Variants in WASHC4 observed in about 807,000 individuals in gnomAD.
WASHC4 encodes the protein WASH complex subunit 7.
A neutral mutation model predicts 166.6 loss-of-function variants in WASHC4; 86 were observed. That is an observed-to-expected ratio of 0.52 (90% confidence interval 0.43 to 0.62). The LOEUF (loss-of-function observed/expected upper bound fraction) is 0.62, where lower values mean the gene tolerates loss of function less well. Ranked by LOEUF, WASHC4 falls within the 20% of genes least tolerant of loss-of-function variation. The pLI, the probability that WASHC4 is intolerant of heterozygous loss-of-function variation, is 0.00. For missense variants in WASHC4, 1,262 were observed against 1,382.4 expected (o/e 0.91, Z 1.38); for synonymous variants, 446 against 451.6 (o/e 0.99, Z 0.16).
intron 18 of WASHC4, among the ~76,000 whole-genome samples, chr12:105,141,784 C>A (rs1379215167): frequency 6.6e-6 from 1 of 152,146 alleles, no homozygotes; most frequent in Non-Finnish European, 1.5e-5. Context: ...AAGGTTACAG[C>A]ACAATTTCCA....
intron 26 of WASHC4, among the ~76,000 whole-genome samples, chr12:105,156,242 AAT>A (rs1884154064): frequency 6.6e-6 from 1 of 152,224 alleles, no homozygotes; most frequent in Non-Finnish European, 1.5e-5. Flanking sequence ...GGACATATGA[AAT>A]ATAAAATTCT....
At chr12:105,126,152 T>C (rs1881263205) in intron 11 of WASHC4, 25 bp downstream of exon 11, 1 of 1,612,726 alleles carries the variant, frequency 6.2e-7, no homozygotes, top group South Asian at 1.1e-5. Flanking sequence ...ATTTTTTGGT[T>C]TTTGTTTATA....
chr12:105,108,009 C>T (rs1879243995), intron 1 of WASHC4, 148 bp downstream of exon 1: 5 of 674,012 alleles, frequency 7.4e-6, no homozygotes, highest in Admixed American at 4.6e-5. Context: ...GAGGGACGCG[C>T]TCTCCAGCGT....
intron 31 of WASHC4, 113 bp downstream of exon 31, chr12:105,164,420 T>C: frequency 2.1e-6 from 2 of 967,244 alleles, no homozygotes; most frequent in African/African-American, 1.6e-5. Flanking sequence ...ACAAGTGAGA[T>C]GAATAGTGGC....
rs1484405239 is a variant in WASHC4, at chr12:105,167,193, T to C, written c.*262T>C. The C allele has an allele frequency of 9.1e-6, 4 of 437,886 alleles. No individual in the cohort carries two copies. Among genetic ancestry groups the C allele is most frequent in the Non-Finnish European group, 1.7e-5 (4 of 240,398 alleles). The allele number at this position is 437,886 out of a possible 1,614,324, so 27.1% of individuals were successfully genotyped here. On this transcript the variant is annotated 3_prime_UTR_variant, in exon 33 of 33. Transcript: ENST00000332180. ...GATGTTTCTATTTGAAGTGAAGTTA[T>C]AAAAGGGCAAATCCAGATTCATAAA... is the stretch of plus-strand genomic sequence containing the variant.
chr12:105,139,409 A>G (rs1279975099), intron 15 of WASHC4, among the ~76,000 whole-genome samples: 2 of 69,922 alleles, frequency 2.9e-5, no homozygotes, highest in South Asian at 5.6e-4. Flanking sequence ...TAGACAGACT[A>G]TATATATGTG....
Position 105,160,142 on chromosome 12 carries a change from C to G in WASHC4, c.3054C>G (p.Pro1018=), listed in dbSNP as rs1884406608. The G allele has an allele frequency of 6.2e-7, 1 of 1,613,410 alleles. No individual in the cohort carries two copies. Among genetic ancestry groups the G allele is most frequent in the Non-Finnish European group, 8.5e-7 (1 of 1,179,488 alleles). ...IHLRNFYIIV[P]PLTLNFVEHS... is the part of the protein sequence containing the mutation. ...TCCGAAATTTCTATATAATTGTTCC[C>G]CCTCTGGTGAGTATTTCCAGAACCT... The change falls in exon 29 of 33, where the codon CCC becomes CCG. Residue 1018 remains proline (P), a synonymous_variant. Transcript: ENST00000332180.
At chr12:105,141,336 A>C (rs968528798) in intron 18 of WASHC4, 90 bp downstream of exon 18, 1 of 961,370 alleles carries the variant, frequency 1.0e-6, no homozygotes, top group African/African-American at 1.6e-5. Context: ...AGAAGAAATA[A>C]AATTCAGATC....
intron 32 of WASHC4, 48 bp downstream of exon 32, chr12:105,164,788 A>T: frequency 8.1e-7 from 1 of 1,233,606 alleles, no homozygotes; most frequent in East Asian, 2.4e-5. Flanking sequence ...GTCTTTAGTA[A>T]TAGACAGTAA....
At chr12:105,115,820 A>G in intron 6 of WASHC4, 92 bp downstream of exon 6, 1 of 805,626 alleles carries the variant, frequency 1.2e-6, no homozygotes, top group South Asian at 1.3e-5. Context: ...TTCAAATACT[A>G]AAGATGTGTA....
Position 105,118,469 on chromosome 12 carries a change from G to A in WASHC4, c.459G>A (p.Arg153=). ...AGGAACTGTCTTGCTTTGTTACGAG[G>A]TGCTATGAAGTGGTGATGAACGTAG... is the stretch of plus-strand genomic sequence containing the variant. The part of the protein sequence containing the change: ...FLQELSCFVT[R]CYEVVMNVVH... The change falls in exon 7 of 33, where the codon AGG becomes AGA. Residue 153 remains arginine (R), a synonymous_variant. Transcript: ENST00000332180. The A allele has an allele frequency of 6.2e-7, 1 of 1,613,362 alleles. No homozygotes were observed. Among genetic ancestry groups the A allele is most frequent in the Non-Finnish European group, 8.5e-7 (1 of 1,179,298 alleles).
intron 30 of WASHC4, 50 bp from the exon 31 acceptor site, chr12:105,164,061 C>T (rs1259287471): frequency 6.7e-7 from 1 of 1,498,452 alleles, no homozygotes; most frequent in Admixed American, 1.7e-5. Context: ...GAGTAGAATA[C>T]CACTTCTGTA....
chr12:105,164,830 T>G (rs1884713204), intron 32 of WASHC4, 90 bp downstream of exon 32: 6 of 859,158 alleles, frequency 7.0e-6, no homozygotes, highest in Non-Finnish European at 1.1e-5. Context: ...ACATCTAGCT[T>G]CTTTGTCCTT....
chr12:105,136,327 T>C (rs1882315204), intron 14 of WASHC4, among the ~76,000 whole-genome samples: 1 of 152,166 alleles, frequency 6.6e-6, no homozygotes, highest in Non-Finnish European at 1.5e-5. Flanking sequence ...CAGGATCACT[T>C]CTCTGAGTTT....
chr12:105,160,856 A>G (rs1280678965), intron 29 of WASHC4, among the ~76,000 whole-genome samples: 1 of 152,192 alleles, frequency 6.6e-6, no homozygotes, highest in Non-Finnish European at 1.5e-5. Flanking sequence ...ACTTCTTTCT[A>G]TTCAGTAGTA....
chr12:105,138,573 T>C (rs977644703), intron 15 of WASHC4, among the ~76,000 whole-genome samples: 2 of 152,172 alleles, frequency 1.3e-5, no homozygotes, highest in African/African-American at 4.8e-5. Context: ...CTTACTTCTG[T>C]ATTAAAGAAA....
At chr12:105,151,093 C>A (rs1374184739) in intron 25 of WASHC4, among the ~76,000 whole-genome samples, 2 of 141,980 alleles carry the variant, frequency 1.4e-5, no homozygotes, top group African/African-American at 5.2e-5. Context: ...TGCAGTGAGC[C>A]GAGATAATGC....
intron 14 of WASHC4, 130 bp downstream of exon 14, chr12:105,134,026 G>T: frequency 2.5e-6 from 2 of 793,724 alleles, no homozygotes; most frequent in Non-Finnish European, 4.1e-6. Context: ...GTTATGTTGG[G>T]ATCTGTGTGA....
At chr12:105,116,687 C>T (rs145215487) in intron 6 of WASHC4, among the ~76,000 whole-genome samples, 40 of 152,178 alleles carry the variant, frequency 2.6e-4, no homozygotes, top group African/African-American at 9.2e-4. Flanking sequence ...TTTTTATTAT[C>T]GGTATGTATC....
Sources: allele counts gnomAD v4.1 joint callset (sites outside exome capture counted in the v4.1 genomes callset), GRCh38; gene constraint gnomAD v4.1.1; transcripts MANE v1.5; gene names NCBI Gene and HGNC (gene_info 2026-07-23, HGNC 2026-07-21).